CNOT1: variants seen among roughly 807,000 people sequenced by gnomAD.
CNOT1 encodes CCR4-associated factor 1.
CNOT1 carries 15 observed loss-of-function variants against 273.8 expected under a neutral mutation model. The ratio of observed to expected loss-of-function variants is 0.05; its 90% CI spans 0.04 to 0.08. CNOT1 has a LOEUF of 0.08. Ranked by LOEUF, CNOT1 falls within the 10% of genes least tolerant of loss-of-function variation. The probability of loss-of-function intolerance (pLI) is 1.00; values close to 1 mark genes in which losing one functional copy is unlikely to be tolerated. For missense variants in CNOT1, 1,644 were observed against 2,912.2 expected, an observed-to-expected ratio of 0.56 and a Z score of 10.02; for synonymous variants, 1,022 against 1,005.5, an observed-to-expected ratio of 1.02 and a Z score of -0.31.
At chr16:58,600,147 C>A (rs1014560299) in intron 1 of CNOT1, among the ~76,000 whole-genome samples, 9 of 151,778 alleles carry the variant, frequency 5.9e-5, no homozygotes, top group African/African-American at 1.9e-4. Context: ...GAGTTCGTGA[C>A]CAGTCTGGCC....
Position 58,616,153 on chromosome 16 carries a change from C to T in CNOT1, c.-175+13575G>A, listed in dbSNP as rs1368283644. 1.6e-5 allele frequency among the ~76,000 whole-genome samples: 2 copies of T among 125,766 alleles called. 1 individual carries two copies. Among genetic ancestry groups the T allele is most frequent in the Non-Finnish European group, 3.8e-5 (2 of 52,738 alleles). The allele number at this position is 125,766 out of a possible 152,430, so 82.5% of individuals were successfully genotyped here. On this transcript the variant is annotated intron_variant, in intron 1 of 48. Coordinates refer to ENST00000317147, the MANE Select transcript of CNOT1 (RefSeq NM_016284.5). ...ACGGAGTCTCGCTCTGTTGCCCAGGCTGGAGTGCAGTGTCATGATCTCGGC... is the reference window on the plus strand; with the variant it reads ...ACGGAGTCTCGCTCTGTTGCCCAGGTTGGAGTGCAGTGTCATGATCTCGGC...
At chr16:58,579,021 G>T (rs555451099) in intron 12 of CNOT1, 82 bp from the exon 13 acceptor site, 1 of 1,529,740 alleles carries the variant, frequency 6.5e-7, no homozygotes, top group African/African-American at 1.4e-5. Flanking sequence ...ATACCAGCTT[G>T]TAAGCACAAA....
Position 58,583,101 on chromosome 16 carries a change from C to G in CNOT1, c.888G>C (p.Met296Ile). 1 of 1,614,040 alleles carries G rather than the reference C, an allele frequency of 6.2e-7. No homozygotes were observed. Among genetic ancestry groups the G allele is most frequent in the Non-Finnish European group, 8.5e-7 (1 of 1,180,030 alleles). ...TAAQVARVLGMMARTHSGLTD... is the reference protein window; with the variant it reads ...TAAQVARVLGIMARTHSGLTD... ...TTAATCCTGAATGAGTTCGAGCCAT[C>G]ATTCCCAAAACCCTTGCAACCTGGG... The change falls in exon 9 of 49, where the codon ATG (methionine) becomes ATC (isoleucine). Residue 296 changes from methionine (M) to isoleucine (I), a missense_variant. Met to Ile is a conservative substitution (Grantham distance 10). Transcript: ENST00000317147.
chr16:58,599,045 TGTCTCAAAAAAAAAAAAAAAAAAAA>T (rs2042369834), intron 2 of CNOT1, 166 bp downstream of exon 2: 1 of 438,368 alleles, frequency 2.3e-6, no homozygotes, highest in South Asian at 2.2e-5. Flanking sequence ...AGTAAGACTC[TGTCTCAAAAAAAAAAAAAAAAAAAA>T]GATTGGGCTA....
intron 1 of CNOT1, among the ~76,000 whole-genome samples, chr16:58,607,797 G>A (rs2042741946): frequency 6.7e-6 from 1 of 149,634 alleles, no homozygotes; most frequent in Non-Finnish European, 1.5e-5. Context: ...AGAGATAGAA[G>A]TCAGAACAAA....
chr16:58,625,056 T>G (rs2043506141), intron 1 of CNOT1, among the ~76,000 whole-genome samples: 1 of 151,760 alleles, frequency 6.6e-6, no homozygotes, highest in Admixed American at 6.6e-5. Flanking sequence ...CAGACCAGCC[T>G]GGGAAACACA....
rs1476147560 is a variant in CNOT1, at chr16:58,582,897, A to G, written c.940T>C (p.Ser314Pro). 1 of 1,612,768 alleles carries G rather than the reference A, an allele frequency of 6.2e-7. No individual in the cohort carries two copies. The highest frequency in any genetic ancestry group is 1.3e-5 in the African/African-American group (1 of 74,920). The stretch of plus-strand genomic sequence containing the variant: ...CTCCAGATCCCACTGCCCGGAGCAG[A>G]AATACTCTGTAGAAGTAAAACTTGA... ...LTDGIPLQSI[S>P]APGSGIWSDG... Residue 314 changes from serine to proline, a missense_variant, in exon 10 of 49, where the codon TCT (serine) becomes CCT (proline). Transcript: ENST00000317147.
In CNOT1 at chr16:58,538,809, C is replaced by T; in HGVS notation, c.5098G>A (p.Ala1700Thr). The change falls in exon 36 of 49, where the codon GCA becomes ACA. Residue 1700 changes from alanine to threonine, a missense_variant. Coordinates refer to ENST00000317147, the MANE Select transcript of CNOT1 (RefSeq NM_016284.5). ...TTGTTGCACCATGGAGACCCATATG[C>T]CCGGCCATCCTGCAGAGCTTTTAGG... is the stretch of plus-strand genomic sequence containing the variant. The part of the protein sequence containing the change: ...LVLKALQDGR[A>T]YGSPWCNKQI... The T allele has an allele frequency of 6.2e-7, 1 of 1,612,688 alleles. No individual in the cohort carries two copies. The highest frequency in any genetic ancestry group is 8.5e-7 in the Non-Finnish European group (1 of 1,179,856).
At chr16:58,596,814 G>C (rs915281429) in intron 2 of CNOT1, among the ~76,000 whole-genome samples, 9 of 144,420 alleles carry the variant, frequency 6.2e-5, no homozygotes, top group Non-Finnish European at 7.4e-5. Flanking sequence ...CGTGAACCTA[G>C]GAGGTGGAGC....
At chr16:58,555,984 G>C (rs1047268959) in intron 19 of CNOT1, 76 bp from the exon 20 acceptor site, 8 of 1,576,408 alleles carry the variant, frequency 5.1e-6, no homozygotes, top group Non-Finnish European at 6.8e-6. Flanking sequence ...GCCAGCCAGA[G>C]ACTATTATAG....
intron 18 of CNOT1, 143 bp from the exon 19 acceptor site, chr16:58,557,136 C>A: frequency 1.7e-6 from 2 of 1,166,870 alleles, no homozygotes; most frequent in Non-Finnish European, 2.3e-6. Flanking sequence ...TTGTTAATTC[C>A]CTTATTACAT....
At chr16:58,529,341 C>T (rs1374970948) in intron 43 of CNOT1, among the ~76,000 whole-genome samples, 1 of 152,154 alleles carries the variant, frequency 6.6e-6, no homozygotes, top group Non-Finnish European at 1.5e-5. Context: ...AAAGACACCT[C>T]CCCCTTCCTT....
intron 16 of CNOT1, among the ~76,000 whole-genome samples, chr16:58,574,317 T>A (rs771517002): frequency 6.6e-6 from 1 of 151,806 alleles, no homozygotes; most frequent in African/African-American, 2.4e-5. Flanking sequence ...CTATGGGCAA[T>A]TGCTTTTTTT....
At position 58,574,099 on chromosome 16, in the gene CNOT1, A is replaced by AAAG. The variant is rs568803564; in HGVS notation, c.1979+507_1979+509dup. Among the ~76,000 whole-genome samples the AAAG allele has an allele frequency of 9.2e-5, 14 of 152,060 alleles. No homozygotes were observed. The East Asian group carries it at 1.6e-3, about 17-fold the overall frequency. On this transcript the variant is annotated intron_variant, in intron 16 of 48. Transcript: ENST00000317147. ...AACCTCATCTCTACAAAAAGAAAAA[A>AAAG]AAGAAGAAGAAGAAGAAGAAAATTT...
chr16:58,583,579 T>C lies in CNOT1; in HGVS notation c.807-397A>G, dbSNP rs113944396. Among the ~76,000 whole-genome samples, 411 of 152,246 alleles carry C rather than the reference T, an allele frequency of 2.7e-3. 2 individuals are homozygous for C. The highest frequency in any genetic ancestry group is 9.3e-3 in the African/African-American group (386 of 41,560). ...GCAGGAGGTGAGCAAGTATTTCCGC[T>C]TGGGCTCCACTTCCTGTGGAGTACA... is the stretch of plus-strand genomic sequence containing the variant. On this transcript the variant is annotated intron_variant, in intron 8 of 48. Transcript: ENST00000317147.
chr16:58,606,837 C>T (rs1014295440), intron 1 of CNOT1, among the ~76,000 whole-genome samples: 2 of 151,964 alleles, frequency 1.3e-5, no homozygotes, highest in Non-Finnish European at 2.9e-5. Context: ...TATCTTCATA[C>T]ATGCAATATG....
At chr16:58,561,037 T>C (rs955437583) in intron 16 of CNOT1, among the ~76,000 whole-genome samples, 1 of 151,982 alleles carries the variant, frequency 6.6e-6, no homozygotes, top group African/African-American at 2.4e-5. Context: ...AAAAAAAAGT[T>C]AGCTGGATGT....
chr16:58,593,717 A>C (rs1025589255), intron 2 of CNOT1, among the ~76,000 whole-genome samples: 1 of 152,110 alleles, frequency 6.6e-6, no homozygotes, highest in Admixed American at 6.6e-5. Flanking sequence ...ACAGAGTGAG[A>C]CTCTGTCTCA....
At chr16:58,585,545 AAAAC>A (rs1357101125) in intron 7 of CNOT1, 39 bp from the exon 8 acceptor site, 13 of 1,586,468 alleles carry the variant, frequency 8.2e-6, no homozygotes, top group African/African-American at 5.4e-5. Context: ...ATACTAATTA[AAAAC>A]AAACAATCCT....
Sources: gnomAD v4.1 joint callset for allele counts (sites outside exome capture counted in the v4.1 genomes callset) on GRCh38, gnomAD v4.1.1 for gene constraint, MANE v1.5 for transcripts, NCBI Gene and HGNC (gene_info 2026-07-23, HGNC 2026-07-21) for gene names.